Variants in PCDH9 observed in about 807,000 individuals in gnomAD.
The protein encoded by PCDH9 is protocadherin 9.
Under a neutral mutation model 70.6 loss-of-function variants are expected in PCDH9, and 24 were observed. The ratio of observed to expected loss-of-function variants is 0.34; its 90% CI spans 0.25 to 0.48. The LOEUF (loss-of-function observed/expected upper bound fraction) is 0.48, where lower values mean the gene tolerates loss of function less well. Among genes scored for constraint, PCDH9 ranks in the 20% least tolerant of loss-of-function variants. The pLI, the probability that PCDH9 is intolerant of heterozygous loss-of-function variation, is 0.99. For missense variants in PCDH9, 1,281 were observed against 1,503.6 expected, an observed-to-expected ratio of 0.85 and a Z score of 2.45; for synonymous variants, 562 against 558.5, an observed-to-expected ratio of 1.01 and a Z score of -0.09.
intron 4 of PCDH9, among the ~76,000 whole-genome samples, chr13:66,596,877 C>CTT (rs1328436866): frequency 7.3e-6 from 1 of 136,458 alleles, no homozygotes; most frequent in African/African-American, 2.7e-5. Context: ...CATGGCTATT[C>CTT]TTTTTTTTTT....
intron 2 of PCDH9, among the ~76,000 whole-genome samples, chr13:67,071,363 C>A (rs534419068): frequency 1.3e-5 from 2 of 152,206 alleles, no homozygotes; most frequent in African/African-American, 4.8e-5. Flanking sequence ...ATTTTGGACT[C>A]TGAAATTGGC....
intron 3 of PCDH9, chr13:66,885,880 A>C (rs890455930): frequency 1.3e-5 from 2 of 152,126 alleles, no homozygotes; most frequent in Non-Finnish European, 2.9e-5. Context: ...TTATCTAAAA[A>C]CTAATTTGTA....
chr13:66,755,071 C>G (rs1182650846), intron 3 of PCDH9, among the ~76,000 whole-genome samples: 3 of 152,062 alleles, frequency 2.0e-5, no homozygotes, highest in African/African-American at 7.2e-5. Context: ...CTATCCAAAG[C>G]CAATATTCAA....
At chr13:66,669,169 T>G (rs1223786926) in intron 3 of PCDH9, among the ~76,000 whole-genome samples, 2 of 152,194 alleles carry the variant, frequency 1.3e-5, no homozygotes, top group South Asian at 2.1e-4. Context: ...CCTAGAGAGA[T>G]AAAATTTAGT....
At position 67,021,436 on chromosome 13, in the gene PCDH9, C is replaced by T. The variant is rs2084670063; in HGVS notation, c.3037-117831G>A. ...ATTATAGCTTTATTTTATTCAAGTA[C>T]TCATAAAAGTTTTTGATACTAGAAA... On this transcript the variant is annotated intron_variant, in intron 2 of 4. Coordinates refer to ENST00000377865, the MANE Select transcript of PCDH9 (RefSeq NM_203487.3). 2.6e-5 allele frequency among the ~76,000 whole-genome samples: 4 copies of T among 152,192 alleles called. No homozygotes were observed. In the South Asian group the frequency reaches 8.3e-4, roughly 32 times the overall value.
intron 2 of PCDH9, among the ~76,000 whole-genome samples, chr13:67,166,549 T>C (rs1468602472): frequency 6.6e-6 from 1 of 152,214 alleles, no homozygotes; most frequent in Non-Finnish European, 1.5e-5. Context: ...ATTTGGTAAC[T>C]GTTTCAATTT....
chr13:67,035,130 G>A (rs533517981), intron 2 of PCDH9, among the ~76,000 whole-genome samples: 1 of 152,140 alleles, frequency 6.6e-6, no homozygotes, highest in East Asian at 1.9e-4. Context: ...CCAAGCTGAA[G>A]AATTTGCTCA....
chr13:66,443,735 T>C (rs939776785), intron 4 of PCDH9, among the ~76,000 whole-genome samples: 3 of 152,154 alleles, frequency 2.0e-5, no homozygotes, highest in African/African-American at 7.2e-5. Context: ...AAGCAACAGC[T>C]TGAGTAAATA....
chr13:66,796,880 A>G (rs2080250310), intron 3 of PCDH9, among the ~76,000 whole-genome samples: 1 of 152,142 alleles, frequency 6.6e-6, no homozygotes, highest in Non-Finnish European at 1.5e-5. Context: ...GCTAGGCAAG[A>G]TTATAAAAAA....
chr13:67,221,754 G>A (rs1015171756), intron 2 of PCDH9: 3 of 152,060 alleles, frequency 2.0e-5, no homozygotes, highest in African/African-American at 7.2e-5. Context: ...CTGTCAACTG[G>A]GTTGGGAAAC....
At chr13:66,305,060 A>C in intron 4 of PCDH9, 32 bp from the exon 5 acceptor site, 1 of 1,541,556 alleles carries the variant, frequency 6.5e-7, no homozygotes, top group Admixed American at 2.1e-5. Context: ...AAATAAGAAA[A>C]GGAAGTGGTT....
At chr13:66,724,172 A>G (rs546791292) in intron 3 of PCDH9, among the ~76,000 whole-genome samples, 1 of 152,224 alleles carries the variant, frequency 6.6e-6, no homozygotes, top group Non-Finnish European at 1.5e-5. Context: ...GCATCGCTAC[A>G]TAACAATCTA....
At chr13:66,632,531 A>G (rs2077585071) in intron 3 of PCDH9, among the ~76,000 whole-genome samples, 1 of 152,232 alleles carries the variant, frequency 6.6e-6, no homozygotes, top group Non-Finnish European at 1.5e-5. Flanking sequence ...TCACTCTCAG[A>G]TGTGACCTAA....
At position 67,066,158 on chromosome 13, in the gene PCDH9, C is replaced by T. The variant is rs189820382; in HGVS notation, c.3036+159247G>A. On this transcript the variant is annotated intron_variant, in intron 2 of 4. Transcript: ENST00000377865. Reference sequence around the variant, plus strand: ...TCTCATAGTATTTTTTAAATGGAAACGATATATTTGTGCATGTTTAGCCTA... The same window carrying T: ...TCTCATAGTATTTTTTAAATGGAAATGATATATTTGTGCATGTTTAGCCTA... Among the ~76,000 whole-genome samples, 143 of 151,786 alleles carry T rather than the reference C, an allele frequency of 9.4e-4. 1 individual carries two copies. The highest frequency in any genetic ancestry group is 3.4e-3 in the Middle Eastern group (1 of 292).
At chr13:66,442,569 A>C (rs1238782035) in intron 4 of PCDH9, among the ~76,000 whole-genome samples, 2 of 152,064 alleles carry the variant, frequency 1.3e-5, no homozygotes, top group East Asian at 3.9e-4. Context: ...AAGTTGATAT[A>C]TATATATAAT....
rs1555310054 is a variant in PCDH9, at chr13:67,127,676, A to ATATGTGTG, written c.3036+97728_3036+97729insCACACATA. Among the ~76,000 whole-genome samples the ATATGTGTG allele has an allele frequency of 3.4e-3, 488 of 145,560 alleles. 1 individual carries two copies. The highest frequency in any genetic ancestry group is 6.7e-3 in the Admixed American group (96 of 14,384). ...AGACTTTTTTATCATATATATATAT[A>ATATGTGTG]TGTGTGTGTGTGTGTGTGTGTGTGT... On this transcript the variant is annotated intron_variant, in intron 2 of 4. Coordinates refer to ENST00000377865, the MANE Select transcript of PCDH9 (RefSeq NM_203487.3).
intron 3 of PCDH9, among the ~76,000 whole-genome samples, chr13:66,863,386 A>C (rs1484845650): frequency 6.6e-6 from 1 of 152,234 alleles, no homozygotes; most frequent in African/African-American, 2.4e-5. Flanking sequence ...TCATTAAACA[A>C]ATCCCAGAAA....
At chr13:67,077,060 C>G (rs1023977777) in intron 2 of PCDH9, among the ~76,000 whole-genome samples, 8 of 152,144 alleles carry the variant, frequency 5.3e-5, no homozygotes, top group African/African-American at 1.9e-4. Flanking sequence ...CATCTATGGT[C>G]TCTTCTCAAG....
At chr13:66,488,189 C>G (rs188988164) in intron 4 of PCDH9, among the ~76,000 whole-genome samples, 3 of 152,060 alleles carry the variant, frequency 2.0e-5, no homozygotes, top group Non-Finnish European at 4.4e-5. Context: ...TAGAAAGAGC[C>G]GACGCTGAAA....
Sources: gnomAD v4.1 joint callset for allele counts (sites outside exome capture counted in the v4.1 genomes callset) on GRCh38, gnomAD v4.1.1 for gene constraint, MANE v1.5 for transcripts, NCBI Gene and HGNC (gene_info 2026-07-23, HGNC 2026-07-21) for gene names.